Variants in EPB41L4B observed in about 807,000 individuals in gnomAD.
The protein encoded by EPB41L4B is band 4.1-like protein 4B.
EPB41L4B carries 30 observed loss-of-function variants against 112.5 expected under a neutral mutation model. The ratio of observed to expected loss-of-function variants is 0.27; its 90% CI spans 0.20 to 0.36. The LOEUF is 0.36. Ranked by LOEUF, EPB41L4B falls within the 10% of genes least tolerant of loss-of-function variation. The pLI is 1.00. For missense variants in EPB41L4B, 1,024 were observed against 1,133.3 expected, an observed-to-expected ratio of 0.90 and a Z score of 1.38; for synonymous variants, 408 against 439.7, an observed-to-expected ratio of 0.93 and a Z score of 0.90.
chr9:109,244,434 CTTTTTTTTTTTT>C (rs573807379), intron 14 of EPB41L4B, among the ~76,000 whole-genome samples: 5 of 48,514 alleles, frequency 1.0e-4, no homozygotes, highest in Non-Finnish European at 1.7e-4. Flanking sequence ...TGAAGGTTGT[CTTTTTTTTTTTT>C]TTTTTTTTTT....
intron 1 of EPB41L4B, among the ~76,000 whole-genome samples, chr9:109,318,944 C>T (rs532292927): frequency 1.0e-3 from 153 of 152,296 alleles, no homozygotes; most frequent in African/African-American, 3.5e-3. Context: ...CATCTGAGAC[C>T]CTTTTCACAT....
At chr9:109,217,214 A>G (rs1833407561) in intron 15 of EPB41L4B, 69 bp from the exon 16 acceptor site, 1 of 1,449,710 alleles carries the variant, frequency 6.9e-7, no homozygotes, top group African/African-American at 1.4e-5. Flanking sequence ...GTACTTTCAA[A>G]GACGTTTTCT....
At chr9:109,256,010 C>A (rs1383663369) in intron 9 of EPB41L4B, 126 bp downstream of exon 9, 23 of 1,132,460 alleles carry the variant, frequency 2.0e-5, no homozygotes, top group Non-Finnish European at 2.7e-5. Flanking sequence ...AGACCCACAA[C>A]AGCAGCACCG....
chr9:109,206,890 C>G (rs1185166948), intron 18 of EPB41L4B, among the ~76,000 whole-genome samples: 1 of 152,252 alleles, frequency 6.6e-6, no homozygotes, highest in Non-Finnish European at 1.5e-5. Flanking sequence ...CGAGTCACCC[C>G]AGCCTTGCTG....
chr9:109,291,809 C>T (rs1836544299), intron 1 of EPB41L4B, among the ~76,000 whole-genome samples: 1 of 152,122 alleles, frequency 6.6e-6, no homozygotes, highest in African/African-American at 2.4e-5. Context: ...CTGTAGATGG[C>T]CCAGACAGGC....
intron 14 of EPB41L4B, among the ~76,000 whole-genome samples, chr9:109,244,899 T>C (rs1046757776): frequency 2.0e-5 from 3 of 152,242 alleles, no homozygotes; most frequent in Non-Finnish European, 2.9e-5. Context: ...GCCTGCTCTC[T>C]GGCACAGAGA....
chr9:109,303,812 T>A (rs77260348), intron 1 of EPB41L4B, among the ~76,000 whole-genome samples: 1 of 151,676 alleles, frequency 6.6e-6, no homozygotes, highest in Non-Finnish European at 1.5e-5. Flanking sequence ...AGCCTTTTAT[T>A]TTTTTTTAAA....
intron 21 of EPB41L4B, among the ~76,000 whole-genome samples, chr9:109,192,577 T>C (rs1222260881): frequency 6.6e-6 from 1 of 152,174 alleles, no homozygotes; most frequent in South Asian, 2.1e-4. Context: ...AGCTGTCCCT[T>C]TCAGAGCTGC....
intron 18 of EPB41L4B, among the ~76,000 whole-genome samples, chr9:109,206,825 G>C (rs1833006124): frequency 6.6e-6 from 1 of 152,236 alleles, no homozygotes; most frequent in Non-Finnish European, 1.5e-5. Flanking sequence ...TTGCCAGGTG[G>C]CTCCATGATA....
At chr9:109,245,130 T>G (rs1336392435) in intron 14 of EPB41L4B, among the ~76,000 whole-genome samples, 3 of 152,234 alleles carry the variant, frequency 2.0e-5, no homozygotes, top group Non-Finnish European at 4.4e-5. Context: ...TGCTGCAATC[T>G]CTGCATATTT....
At chr9:109,195,926 G>C (rs970024317) in intron 20 of EPB41L4B, among the ~76,000 whole-genome samples, 2 of 151,968 alleles carry the variant, frequency 1.3e-5, no homozygotes, top group Non-Finnish European at 2.9e-5. Context: ...AATTTTACCT[G>C]TTTCTAAGGT....
intron 2 of EPB41L4B, among the ~76,000 whole-genome samples, chr9:109,273,299 T>G (rs186040689): frequency 2.6e-3 from 400 of 151,080 alleles, no homozygotes; most frequent in Non-Finnish European, 3.7e-3. Context: ...CAGGCTGGAG[T>G]GCAGTGGTGT....
intron 1 of EPB41L4B, among the ~76,000 whole-genome samples, chr9:109,310,438 C>G (rs540570549): frequency 1.3e-5 from 2 of 151,916 alleles, no homozygotes; most frequent in Non-Finnish European, 2.9e-5. Context: ...GTGGTGGGCA[C>G]AAGGATGTTC....
At chr9:109,289,228 G>A (rs1836429746) in intron 1 of EPB41L4B, among the ~76,000 whole-genome samples, 1 of 152,098 alleles carries the variant, frequency 6.6e-6, no homozygotes, top group Non-Finnish European at 1.5e-5. Context: ...TGTACCCTAG[G>A]CTCCGGTCAA....
In EPB41L4B at chr9:109,268,932, T is replaced by C. The variant is rs564805386; in HGVS notation, c.412-499A>G. ...AAAAAAAAAATTCAACGTTTATGCA[T>C]ATATGTGCATTTTTCTGGGGAGGGG... On this transcript the variant is annotated intron_variant, in intron 2 of 25. Transcript: ENST00000374566. Among the ~76,000 whole-genome samples, 141 of 149,956 alleles carry C rather than the reference T, an allele frequency of 9.4e-4. 1 individual carries two copies. Among genetic ancestry groups the C allele is most frequent in the African/African-American group, 3.2e-3 (131 of 40,862 alleles).
chr9:109,304,880 G>C (rs1488627514), intron 1 of EPB41L4B, among the ~76,000 whole-genome samples: 1 of 152,168 alleles, frequency 6.6e-6, no homozygotes, highest in Admixed American at 6.5e-5. Flanking sequence ...GTCGGGGTTA[G>C]GAACAGGGGA....
intron 5 of EPB41L4B, among the ~76,000 whole-genome samples, chr9:109,263,785 C>T (rs565211398): frequency 3.9e-5 from 6 of 152,284 alleles, no homozygotes; most frequent in African/African-American, 9.6e-5. Context: ...AGTGAGCCCC[C>T]CCGACCCATC....
intron 15 of EPB41L4B, among the ~76,000 whole-genome samples, chr9:109,230,632 T>C (rs1160602944): frequency 6.6e-6 from 1 of 152,254 alleles, no homozygotes; most frequent in Non-Finnish European, 1.5e-5. Context: ...CATGTTCTTA[T>C]TGAATTCAGG....
At chr9:109,315,730 T>A (rs925708440) in intron 1 of EPB41L4B, among the ~76,000 whole-genome samples, 6 of 152,198 alleles carry the variant, frequency 3.9e-5, no homozygotes, top group Non-Finnish European at 8.8e-5. Context: ...CATATGACCT[T>A]TATGTTGTAT....
Sources: gnomAD v4.1 joint callset for allele counts (sites outside exome capture counted in the v4.1 genomes callset) on GRCh38, gnomAD v4.1.1 for gene constraint, MANE v1.5 for transcripts, NCBI Gene and HGNC (gene_info 2026-07-23, HGNC 2026-07-21) for gene names.